CDH18: variants seen among roughly 807,000 people sequenced by gnomAD.
CDH18 encodes cadherin 18.
A neutral mutation model predicts 67.9 loss-of-function variants in CDH18; 31 were observed. That is an observed-to-expected ratio of 0.46 (90% CI 0.34 to 0.62). The LOEUF is 0.62. CDH18 is among the 20% of genes least tolerant of loss of function. The pLI, the probability that CDH18 is intolerant of heterozygous loss-of-function variation, is 0.01. For missense variants in CDH18, 890 were observed against 975.5 expected (o/e 0.91, Z 1.17); for synonymous variants, 362 against 347.2 (o/e 1.04, Z -0.48).
In CDH18 at chr5:19,663,008, T is replaced by TTTTC. The variant is rs1404197714; in HGVS notation, c.644-50408_644-50407insGAAA. 2.0e-5 allele frequency among the ~76,000 whole-genome samples: 3 copies of TTTTC among 151,954 alleles called. No homozygotes were observed. In the East Asian group the frequency reaches 5.8e-4, roughly 29 times the overall value. On this transcript the variant is annotated intron_variant, in intron 5 of 12. Transcript: ENST00000382275. ...AAAGTTCCTGTTTTGTTGTAAGAGA[T>TTTTC]GAGAAAACGTCACATTAAACTCTGA...
chr5:20,248,326 A>G (rs1280254025), intron 2 of CDH18, among the ~76,000 whole-genome samples: 1 of 152,228 alleles, frequency 6.6e-6, no homozygotes, highest in East Asian at 1.9e-4. Context: ...TGTGCAAGAT[A>G]CTTGAAAGTG....
At chr5:20,495,587 A>C (rs1753856914) in intron 1 of CDH18, among the ~76,000 whole-genome samples, 1 of 152,140 alleles carries the variant, frequency 6.6e-6, no homozygotes, top group Non-Finnish European at 1.5e-5. Flanking sequence ...CAATCAGATC[A>C]TGGCATCTAC....
chr5:20,077,672 T>A (rs2150535182), intron 2 of CDH18, among the ~76,000 whole-genome samples: 1 of 152,346 alleles, frequency 6.6e-6, no homozygotes, highest in East Asian at 1.9e-4. Context: ...AACATGGCTG[T>A]CTTTTCAATA....
intron 2 of CDH18, among the ~76,000 whole-genome samples, chr5:19,979,609 T>C (rs2150357764): frequency 6.6e-6 from 1 of 152,264 alleles, no homozygotes; most frequent in Non-Finnish European, 1.5e-5. Flanking sequence ...TAGTACTAAA[T>C]GAGAGTTTAT....
At chr5:20,058,423 T>C (rs1263605497) in intron 2 of CDH18, among the ~76,000 whole-genome samples, 1 of 152,076 alleles carries the variant, frequency 6.6e-6, no homozygotes, top group Non-Finnish European at 1.5e-5. Context: ...AGTCCTTACT[T>C]TTTGGACACA....
At chr5:19,501,583 CAG>C (rs1743258805) in intron 11 of CDH18, among the ~76,000 whole-genome samples, 1 of 150,970 alleles carries the variant, frequency 6.6e-6, no homozygotes, top group Admixed American at 6.6e-5. Context: ...AAAATACATT[CAG>C]AGTTATACCT....
chr5:19,883,237 C>T (rs1301831037), intron 2 of CDH18, among the ~76,000 whole-genome samples: 1 of 152,082 alleles, frequency 6.6e-6, no homozygotes, highest in Admixed American at 6.6e-5. Context: ...CGTTAGGAAG[C>T]TAATGCTTAG....
chr5:19,619,278 G>A (rs563423286), intron 5 of CDH18, among the ~76,000 whole-genome samples: 16 of 152,262 alleles, frequency 1.1e-4, no homozygotes, highest in South Asian at 8.3e-4. Context: ...TACAACTTAC[G>A]AAGTTGAAAT....
intron 9 of CDH18, among the ~76,000 whole-genome samples, chr5:19,532,682 C>T (rs772989427): frequency 1.3e-5 from 2 of 152,048 alleles, no homozygotes; most frequent in African/African-American, 2.4e-5. Flanking sequence ...AGGTTAGGAC[C>T]CAAAGAAAGC....
intron 3 of CDH18, among the ~76,000 whole-genome samples, chr5:19,805,197 C>T (rs1291709914): frequency 6.6e-6 from 1 of 152,152 alleles, no homozygotes; most frequent in Admixed American, 6.5e-5. Context: ...ATCCACCTGC[C>T]TCAGCCTCCC....
At chr5:20,178,035 T>C (rs1737380091) in intron 2 of CDH18, among the ~76,000 whole-genome samples, 1 of 152,140 alleles carries the variant, frequency 6.6e-6, no homozygotes, top group African/African-American at 2.4e-5. Context: ...GTGAGTGGAC[T>C]TCCTCTGATC....
chr5:19,473,148 C>A lies in CDH18; in HGVS notation c.*78G>T. The A allele has an allele frequency of 6.5e-7, 1 of 1,540,522 alleles. No individual in the cohort carries two copies. Among genetic ancestry groups the A allele is most frequent in the Non-Finnish European group, 8.8e-7 (1 of 1,140,290 alleles). ...CTCAGTTCCAAGTACTGTTTCCACA[C>A]TTCTTCCTTGTCATTGCTGAGGTTG... is the stretch of plus-strand genomic sequence containing the variant. On this transcript the variant is annotated 3_prime_UTR_variant, in exon 13 of 13. Coordinates refer to ENST00000382275, the MANE Select transcript of CDH18 (RefSeq NM_004934.5).
chr5:19,483,685 G>A (rs1739883349), intron 11 of CDH18, 133 bp from the exon 12 acceptor site: 3 of 879,742 alleles, frequency 3.4e-6, no homozygotes, highest in East Asian at 2.8e-5. Flanking sequence ...GGAACACGAA[G>A]GGGCAATTAT....
At chr5:20,075,910 CTTCTATTCT>C (rs1232800093) in intron 2 of CDH18, among the ~76,000 whole-genome samples, 1 of 152,056 alleles carries the variant, frequency 6.6e-6, no homozygotes, top group African/African-American at 2.4e-5. Context: ...CTTCTTTCTT[CTTCTATTCT>C]TTATGTGGAA....
chr5:19,993,760 T>A (rs115381108), intron 2 of CDH18, among the ~76,000 whole-genome samples: 33 of 152,236 alleles, frequency 2.2e-4, no homozygotes, highest in Admixed American at 2.2e-3. Context: ...AATAGATATA[T>A]AGATATACCT....
At chr5:20,200,864 C>T (rs1739395014) in intron 2 of CDH18, among the ~76,000 whole-genome samples, 2 of 151,830 alleles carry the variant, frequency 1.3e-5, no homozygotes, top group African/African-American at 2.4e-5. Flanking sequence ...TGTAGTTTTA[C>T]AAATTGAAAA....
At chr5:19,993,720 A>G (rs1329903318) in intron 2 of CDH18, among the ~76,000 whole-genome samples, 1 of 152,130 alleles carries the variant, frequency 6.6e-6, no homozygotes, top group Non-Finnish European at 1.5e-5. Flanking sequence ...GCATATAGAT[A>G]GACAAATATA....
At chr5:19,996,049 C>CA (rs1202235374) in intron 2 of CDH18, among the ~76,000 whole-genome samples, 3 of 151,874 alleles carry the variant, frequency 2.0e-5, no homozygotes, top group East Asian at 1.9e-4. Context: ...CTTTTGTTCA[C>CA]AAAAAAGGGT....
intron 3 of CDH18, among the ~76,000 whole-genome samples, chr5:19,765,187 A>C (rs991981098): frequency 6.6e-6 from 1 of 152,168 alleles, no homozygotes. Context: ...AATTAACTGC[A>C]TCCCCGCTAT....
Sources: gnomAD v4.1 joint callset for allele counts (sites outside exome capture counted in the v4.1 genomes callset) on GRCh38, gnomAD v4.1.1 for gene constraint, MANE v1.5 for transcripts, NCBI Gene and HGNC (gene_info 2026-07-23, HGNC 2026-07-21) for gene names.